RTN1: variants seen among roughly 807,000 people sequenced by gnomAD.
RTN1 encodes the protein reticulon 1, also known as reticulon-1.
In RTN1, 25 loss-of-function variants were observed where a neutral mutation model predicts 65.5. The observed-to-expected ratio is 0.38, with a 90% confidence interval of 0.28 to 0.53. The LOEUF (loss-of-function observed/expected upper bound fraction) is 0.53. Ranked by LOEUF, RTN1 falls within the 20% of genes least tolerant of loss-of-function variation. The pLI is 0.79. For missense variants in RTN1, 983 were observed against 1,025.4 expected (o/e 0.96, Z 0.57); for synonymous variants, 471 against 447.6 (o/e 1.05, Z -0.66).
chr14:59,750,124 T>TA, intron 1 of RTN1, among the ~76,000 whole-genome samples: 1 of 74,994 alleles, frequency 1.3e-5, no homozygotes, highest in East Asian at 3.5e-4. Context: ...ATAATATATA[T>TA]TATCTATAAT....
Position 59,756,844 on chromosome 14 carries a change from T to TTG in RTN1, c.242-10364_242-10363insCA, listed in dbSNP as rs200104260. Among the ~76,000 whole-genome samples, 882 of 140,510 alleles carry TTG rather than the reference T, an allele frequency of 6.3e-3. 15 individuals are homozygous for TTG. Among genetic ancestry groups the TTG allele is most frequent in the African/African-American group, 0.026 (860 of 33,072 alleles). 92.2% of individuals were successfully genotyped at this position (140,510 alleles called of 152,430 possible). On this transcript the variant is annotated intron_variant, in intron 1 of 8. Transcript: ENST00000267484. ...AGTCTCCATAATTCTTTTTTTTGTT[T>TTG]TTTTTTTTTTGTCTCTGTTGCCCAG...
chr14:59,780,051 C>T (rs1886124755), intron 1 of RTN1, among the ~76,000 whole-genome samples: 1 of 152,184 alleles, frequency 6.6e-6, no homozygotes, highest in South Asian at 2.1e-4. Flanking sequence ...CCTGCACATT[C>T]TGGCCTTGAT....
At chr14:59,755,706 CCTT>C (rs1171712661) in intron 1 of RTN1, among the ~76,000 whole-genome samples, 1 of 152,166 alleles carries the variant, frequency 6.6e-6, no homozygotes, top group Non-Finnish European at 1.5e-5. Flanking sequence ...AAAACATTCT[CCTT>C]CTCAAATTAA....
chr14:59,600,797 T>C (rs1326174608), intron 8 of RTN1, among the ~76,000 whole-genome samples: 1 of 152,234 alleles, frequency 6.6e-6, no homozygotes, highest in Non-Finnish European at 1.5e-5. Context: ...TAACATTTCC[T>C]TTCCATTCCT....
intron 1 of RTN1, among the ~76,000 whole-genome samples, chr14:59,869,700 C>T (rs1350482572): frequency 6.6e-6 from 1 of 152,020 alleles, no homozygotes; most frequent in East Asian, 1.9e-4. Flanking sequence ...ATGCTCCCTG[C>T]AAGGTGGGGC....
intron 3 of RTN1, among the ~76,000 whole-genome samples, chr14:59,709,070 T>C (rs974208992): frequency 1.3e-5 from 2 of 152,158 alleles, no homozygotes; most frequent in Admixed American, 6.5e-5. Flanking sequence ...AGGCATTAGA[T>C]GATGTTAAGT....
chr14:59,659,399 G>T (rs1288822341), intron 3 of RTN1, among the ~76,000 whole-genome samples: 1 of 152,040 alleles, frequency 6.6e-6, no homozygotes, highest in Admixed American at 6.5e-5. Context: ...ACACCACAAA[G>T]ATAATTCTTG....
At chr14:59,722,861 G>T (rs957903808) in intron 3 of RTN1, among the ~76,000 whole-genome samples, 31 of 150,480 alleles carry the variant, frequency 2.1e-4, no homozygotes, top group African/African-American at 7.1e-4. Flanking sequence ...GCAGTGGTGT[G>T]ATCAAAGCTC....
chr14:59,713,761 T>C lies in RTN1; in HGVS notation c.1765+13158A>G, dbSNP rs77589571. On this transcript the variant is annotated intron_variant, in intron 3 of 8. Transcript: ENST00000267484. ...TATACAAGATTTGTATAGTTTTTAA[T>C]GACAACATTTCAGGAAGAAGCAATA... Among the ~76,000 whole-genome samples the C allele has an allele frequency of 7.1e-4, 108 of 152,280 alleles. 1 individual carries two copies. The East Asian group carries it at 0.011, about 15-fold the overall frequency.
chr14:59,679,738 C>G (rs1187410434), intron 3 of RTN1, among the ~76,000 whole-genome samples: 1 of 152,200 alleles, frequency 6.6e-6, no homozygotes, highest in Non-Finnish European at 1.5e-5. Flanking sequence ...CAACCTATCA[C>G]TTATTGCCAC....
chr14:59,630,410 C>G (rs774074145), intron 3 of RTN1: 1 of 1,612,114 alleles, frequency 6.2e-7, no homozygotes, highest in Non-Finnish European at 8.5e-7. Flanking sequence ...GTTTCCCGTG[C>G]GCCTCAGGCA....
At chr14:59,828,377 A>G (rs924389072) in intron 1 of RTN1, among the ~76,000 whole-genome samples, 2 of 152,240 alleles carry the variant, frequency 1.3e-5, no homozygotes, top group Non-Finnish European at 2.9e-5. Flanking sequence ...CCAGGGATTT[A>G]CAATGTTCAG....
chr14:59,675,454 G>T (rs1239251997), intron 3 of RTN1, among the ~76,000 whole-genome samples: 1 of 144,864 alleles, frequency 6.9e-6, no homozygotes, highest in Non-Finnish European at 1.5e-5. Context: ...TGGGGGGGGG[G>T]CGCTATAATT....
chr14:59,804,308 G>T (rs2139604584), intron 1 of RTN1, among the ~76,000 whole-genome samples: 1 of 152,148 alleles, frequency 6.6e-6, no homozygotes, highest in South Asian at 2.1e-4. Context: ...ATGTACATAT[G>T]GGGGATGAAT....
At chr14:59,819,277 A>G (rs1182409774) in intron 1 of RTN1, among the ~76,000 whole-genome samples, 1 of 151,714 alleles carries the variant, frequency 6.6e-6, no homozygotes, top group Non-Finnish European at 1.5e-5. Context: ...GGTTCCTAGG[A>G]GGTTGCAGTT....
chr14:59,684,919 T>C (rs1471370207), intron 3 of RTN1, among the ~76,000 whole-genome samples: 1 of 152,052 alleles, frequency 6.6e-6, no homozygotes, highest in South Asian at 2.1e-4. Context: ...ATCTCTTCAG[T>C]CCTTGTTCTC....
At chr14:59,820,342 T>A (rs958480185) in intron 1 of RTN1, among the ~76,000 whole-genome samples, 4 of 148,718 alleles carry the variant, frequency 2.7e-5, no homozygotes, top group African/African-American at 1.0e-4. Context: ...CTGTAGGCTG[T>A]CTGCTTATTG....
Position 59,696,180 on chromosome 14 carries a change from C to T in RTN1, c.1765+30739G>A, listed in dbSNP as rs577176428. Among the ~76,000 whole-genome samples, 3 of 152,286 alleles carry T rather than the reference C, an allele frequency of 2.0e-5. No homozygotes were observed. In the South Asian group the frequency reaches 6.2e-4, roughly 32 times the overall value. On this transcript the variant is annotated intron_variant, in intron 3 of 8. Coordinates refer to ENST00000267484, the MANE Select transcript of RTN1 (RefSeq NM_021136.3). ...GCAATTTAATACTTGCATTTACCTG[C>T]CTGGCAGCAGACAAGGTCATGTACC...
intron 2 of RTN1, among the ~76,000 whole-genome samples, chr14:59,732,187 C>T (rs1430595855): frequency 2.6e-5 from 4 of 152,108 alleles, no homozygotes; most frequent in East Asian, 3.9e-4. Context: ...CAAAGTCAAA[C>T]GTTTAACTGG....
Sources: allele counts gnomAD v4.1 joint callset (sites outside exome capture counted in the v4.1 genomes callset), GRCh38; gene constraint gnomAD v4.1.1; transcripts MANE v1.5; gene names NCBI Gene and HGNC (gene_info 2026-07-23, HGNC 2026-07-21).